Variants in DOCK1 observed in about 807,000 individuals in gnomAD.
DOCK1 encodes the protein dedicator of cytokinesis protein 1.
Under a neutral mutation model 262.7 loss-of-function variants are expected in DOCK1, and 138 were observed. The ratio of observed to expected loss-of-function variants is 0.53; its 90% confidence interval spans 0.46 to 0.61. The LOEUF (loss-of-function observed/expected upper bound fraction) is 0.61. DOCK1 is among the 20% of genes least tolerant of loss of function. The pLI is 0.00. For synonymous variants in DOCK1, 866 were observed against 867.4 expected, an observed-to-expected ratio of 1.00 and a Z score of 0.03; for missense variants, 1,908 against 2,370.7, an observed-to-expected ratio of 0.80 and a Z score of 4.05.
chr10:127,141,357 G>A (rs930690892), intron 27 of DOCK1, among the ~76,000 whole-genome samples: 5 of 152,284 alleles, frequency 3.3e-5, no homozygotes, highest in South Asian at 4.1e-4. Flanking sequence ...CTGGGTCCTA[G>A]CAGTTGCCTA....
At chr10:126,939,606 C>T (rs1282430928) in intron 1 of DOCK1, among the ~76,000 whole-genome samples, 1 of 152,200 alleles carries the variant, frequency 6.6e-6, no homozygotes, top group Non-Finnish European at 1.5e-5. Flanking sequence ...GGTGATCCTC[C>T]TGCCTCGGCC....
intron 29 of DOCK1, among the ~76,000 whole-genome samples, chr10:127,296,687 G>A (rs557073975): frequency 4.6e-5 from 7 of 152,294 alleles, no homozygotes; most frequent in African/African-American, 1.7e-4. Context: ...GGTCTAGTGG[G>A]TTGCACAGCT....
intron 27 of DOCK1, among the ~76,000 whole-genome samples, chr10:127,191,469 AT>A (rs938539705): frequency 3.9e-5 from 6 of 152,278 alleles, no homozygotes; most frequent in African/African-American, 1.4e-4. Flanking sequence ...TCTTTGCTGC[AT>A]TTTTTAAGGA....
At chr10:127,233,898 T>G (rs1446062646) in intron 27 of DOCK1, among the ~76,000 whole-genome samples, 2 of 152,206 alleles carry the variant, frequency 1.3e-5, no homozygotes, top group African/African-American at 2.4e-5. Flanking sequence ...GCTGCTCCAT[T>G]TTATTGTTGA....
chr10:126,957,740 A>G (rs2036865604), intron 1 of DOCK1, among the ~76,000 whole-genome samples: 1 of 152,146 alleles, frequency 6.6e-6, no homozygotes, highest in Non-Finnish European at 1.5e-5. Flanking sequence ...TCAGCTTTCC[A>G]AAGTGCTGGT....
At chr10:126,980,432 A>G (rs1367308826) in intron 3 of DOCK1, among the ~76,000 whole-genome samples, 2 of 152,102 alleles carry the variant, frequency 1.3e-5, no homozygotes, top group African/African-American at 2.4e-5. Flanking sequence ...CTAGGCTCCT[A>G]GGCTGAAGTG....
rs769356853 is a variant in DOCK1, at chr10:127,433,463, G to A, written c.5060+35G>A. 2.4e-5 allele frequency: 39 copies of A among 1,609,380 alleles called. 1 individual carries two copies. In the East Asian group the frequency reaches 7.6e-4, roughly 31 times the overall value. ...GCTCACAGCAGGGCTGAGCTGAGCA[G>A]TGAGGGCTTGGGGGATCTGGAAGGA... is the stretch of plus-strand genomic sequence containing the variant. On this transcript the variant is annotated intron_variant, in intron 48 of 51. Coordinates refer to ENST00000623213, the MANE Select transcript of DOCK1 (RefSeq NM_001290223.2).
chr10:127,166,344 C>T (rs1199555785), intron 27 of DOCK1, among the ~76,000 whole-genome samples: 3 of 151,986 alleles, frequency 2.0e-5, no homozygotes, highest in African/African-American at 7.2e-5. Context: ...GGATTACAGG[C>T]GTGAGCCACC....
intron 1 of DOCK1, among the ~76,000 whole-genome samples, chr10:126,934,095 G>A (rs2034379694): frequency 2.0e-5 from 3 of 152,038 alleles, no homozygotes; most frequent in African/African-American, 4.8e-5. Flanking sequence ...GGGATTACAT[G>A]TGTTATCCAC....
At chr10:127,245,473 G>A (rs182879446) in intron 27 of DOCK1, among the ~76,000 whole-genome samples, 380 of 152,318 alleles carry the variant, frequency 2.5e-3, no homozygotes, top group African/African-American at 8.5e-3. Context: ...ACAAGGGGCC[G>A]CGTGGTTGCC....
chr10:127,393,120 T>C (rs1454006554), intron 38 of DOCK1, among the ~76,000 whole-genome samples: 1 of 152,202 alleles, frequency 6.6e-6, no homozygotes, highest in South Asian at 2.1e-4. Context: ...TTGGAGTGTT[T>C]ACAAGAATTT....
intron 29 of DOCK1, among the ~76,000 whole-genome samples, chr10:127,294,301 T>TTTTTGTTTTG (rs556839253): frequency 2.0e-5 from 3 of 150,378 alleles, no homozygotes; most frequent in Non-Finnish European, 3.0e-5. Flanking sequence ...TTGTTGTCGT[T>TTTTTGTTTTG]TTTTGTTTTG....
Position 126,995,087 on chromosome 10 carries a change from G to A in DOCK1, c.474-1661G>A, listed in dbSNP as rs909300177. Among the ~76,000 whole-genome samples the A allele has an allele frequency of 3.3e-5, 5 of 151,192 alleles. No homozygotes were observed. Among genetic ancestry groups the A allele is most frequent in the African/African-American group, 4.9e-5 (2 of 41,074 alleles). On this transcript the variant is annotated intron_variant, in intron 6 of 51. Coordinates refer to ENST00000623213, the MANE Select transcript of DOCK1 (RefSeq NM_001290223.2). This position sits in a 1 kb window ranked among gnomAD's most constrained non-coding sequence, Gnocchi z 5.8. Reference sequence around the variant, plus strand: ...GCGCTCTTCACATCTCAGACGGGGCGGCAGGGCAGAGGCGCTCCCCAGATC... The same window carrying A: ...GCGCTCTTCACATCTCAGACGGGGCAGCAGGGCAGAGGCGCTCCCCAGATC...
intron 27 of DOCK1, among the ~76,000 whole-genome samples, chr10:127,232,179 G>A (rs1352856302): frequency 6.6e-6 from 1 of 151,932 alleles, no homozygotes; most frequent in East Asian, 1.9e-4. Flanking sequence ...CATATGTATT[G>A]GAAGAGCTTG....
chr10:127,250,155 TAGA>T (rs1346041618), intron 28 of DOCK1, among the ~76,000 whole-genome samples: 1 of 152,178 alleles, frequency 6.6e-6, no homozygotes, highest in South Asian at 2.1e-4. Context: ...TCTTCAGAAA[TAGA>T]AGAATTACTC....
intron 51 of DOCK1, among the ~76,000 whole-genome samples, chr10:127,447,796 C>T (rs1322361954): frequency 6.6e-6 from 1 of 152,154 alleles, no homozygotes; most frequent in Non-Finnish European, 1.5e-5. Flanking sequence ...TGCCTCAGAA[C>T]GAGGAAGAGG....
At position 127,175,478 on chromosome 10, in the gene DOCK1, G is replaced by A; in HGVS notation, c.2847+47714G>A. Reference sequence around the variant, plus strand: ...ACAGGCACTGCATCGGGGGTGAGCAGGCCAGGGCAGTTTCCGAGGGCGCCT... The same window carrying A: ...ACAGGCACTGCATCGGGGGTGAGCAAGCCAGGGCAGTTTCCGAGGGCGCCT... On this transcript the variant is annotated intron_variant, in intron 27 of 51. Transcript: ENST00000623213. The surrounding 1 kb of genome is among the most constrained non-coding windows in gnomAD (Gnocchi z 6.3). The A allele has an allele frequency of 6.2e-7, 1 of 1,609,510 alleles. No individual in the cohort carries two copies. Among genetic ancestry groups the A allele is most frequent in the South Asian group, 1.1e-5 (1 of 91,076 alleles).
intron 48 of DOCK1, among the ~76,000 whole-genome samples, chr10:127,438,602 G>A (rs963591312): frequency 6.6e-6 from 1 of 152,146 alleles, no homozygotes; most frequent in African/African-American, 2.4e-5. Context: ...TAATCATAGA[G>A]CCTTGGTCAG....
chr10:126,957,058 G>A (rs1328979073), intron 1 of DOCK1, among the ~76,000 whole-genome samples: 7 of 152,162 alleles, frequency 4.6e-5, no homozygotes, highest in Non-Finnish European at 7.4e-5. Context: ...GCGGGGAAGG[G>A]GTCTCTGCAA....
Sources: allele counts gnomAD v4.1 joint callset (sites outside exome capture counted in the v4.1 genomes callset), GRCh38; gene constraint gnomAD v4.1.1; non-coding constraint Gnocchi (gnomAD v3.1); transcripts MANE v1.5; gene names NCBI Gene and HGNC (gene_info 2026-07-23, HGNC 2026-07-21).